The following ROR2 variants were observed in gnomAD, a reference collection of about 807,000 sequenced individuals.
The protein encoded by ROR2 is tyrosine-protein kinase transmembrane receptor ROR2.
A neutral mutation model predicts 74.9 loss-of-function variants in ROR2; 33 were observed. That is an observed-to-expected ratio of 0.44 (90% confidence interval 0.33 to 0.59). The LOEUF (loss-of-function observed/expected upper bound fraction) is 0.59. ROR2 is among the 20% of genes least tolerant of loss of function. The probability of loss-of-function intolerance (pLI) is 0.02; values close to 1 mark genes in which losing one functional copy is unlikely to be tolerated. For synonymous variants in ROR2, 586 were observed against 558.7 expected, an observed-to-expected ratio of 1.05 and a Z score of -0.69; for missense variants, 1,216 against 1,313.8, an observed-to-expected ratio of 0.93 and a Z score of 1.15.
In ROR2 at chr9:91,730,839, G is replaced by A. The variant is rs534604675; in HGVS notation, c.1183+71C>T. On this transcript the variant is annotated intron_variant, in intron 7 of 8. Transcript: ENST00000375708. Reference sequence around the variant, plus strand: ...CAGAGGCACACCCCAACCCAGGTCAGGACAGAACGCCCTCATCACAAGGTT... The same window carrying A: ...CAGAGGCACACCCCAACCCAGGTCAAGACAGAACGCCCTCATCACAAGGTT... 65 of 1,603,834 alleles carry A rather than the reference G, an allele frequency of 4.1e-5. 1 individual carries two copies. In the East Asian group the frequency reaches 1.4e-3, roughly 35 times the overall value.
chr9:91,922,983 C>T (rs1831311865), intron 1 of ROR2, among the ~76,000 whole-genome samples: 1 of 151,974 alleles, frequency 6.6e-6, no homozygotes, highest in South Asian at 2.1e-4. Flanking sequence ...GCATGACCTC[C>T]CCACTCCCCA....
chr9:91,884,741 A>C (rs1587819477), intron 1 of ROR2, among the ~76,000 whole-genome samples: 3 of 151,214 alleles, frequency 2.0e-5, no homozygotes, highest in East Asian at 3.9e-4. Context: ...AGACCATAAC[A>C]TGTCTCCATT....
At chr9:91,782,075 GC>G (rs1826638047) in intron 1 of ROR2, among the ~76,000 whole-genome samples, 1 of 152,214 alleles carries the variant, frequency 6.6e-6, no homozygotes, top group South Asian at 2.1e-4. Context: ...AGCATCCACA[GC>G]CCTGGCAGCG....
Position 91,948,571 on chromosome 9 carries a change from C to G in ROR2, c.97+1296G>C, listed in dbSNP as rs1361939528. 11 of 985,292 alleles carry G rather than the reference C, an allele frequency of 1.1e-5. No individual in the cohort carries two copies. In the East Asian group the frequency reaches 3.4e-4, roughly 30 times the overall value. The allele number at this position is 985,292 out of a possible 1,614,324, so 61.0% of individuals were successfully genotyped here. A position where few individuals can be genotyped will look rare whatever the true frequency, so the allele number is the denominator to read the frequency against. On this transcript the variant is annotated intron_variant, in intron 1 of 8. Coordinates refer to ENST00000375708, the MANE Select transcript of ROR2 (RefSeq NM_004560.4). The stretch of plus-strand genomic sequence containing the variant: ...CATCTGCTTAAACTAAAACCCCCCC[C>G]CAGGAAAGACTGTGCAGCCTTTCTG...
chr9:91,915,123 G>A (rs1389215996), intron 1 of ROR2, among the ~76,000 whole-genome samples: 1 of 152,138 alleles, frequency 6.6e-6, no homozygotes, highest in Non-Finnish European at 1.5e-5. Flanking sequence ...GGTTGCTGAA[G>A]TCTCAACCCA....
chr9:91,764,059 A>G (rs1195748862), intron 2 of ROR2, among the ~76,000 whole-genome samples: 1 of 152,168 alleles, frequency 6.6e-6, no homozygotes, highest in African/African-American at 2.4e-5. Context: ...AAGACTTTGC[A>G]TTTGTCAAAT....
At chr9:91,895,862 A>T (rs1346733855) in intron 1 of ROR2, among the ~76,000 whole-genome samples, 3 of 152,180 alleles carry the variant, frequency 2.0e-5, no homozygotes, top group Non-Finnish European at 1.5e-5. Context: ...AAAAAGAAAT[A>T]CATAAATCTA....
At chr9:91,922,301 T>C (rs1471370279) in intron 1 of ROR2, among the ~76,000 whole-genome samples, 1 of 151,986 alleles carries the variant, frequency 6.6e-6, no homozygotes, top group Non-Finnish European at 1.5e-5. Flanking sequence ...GCTAGGTATG[T>C]ACCCAAAAGA....
intron 1 of ROR2, among the ~76,000 whole-genome samples, chr9:91,945,139 A>G (rs1294575399): frequency 2.0e-5 from 3 of 152,130 alleles, no homozygotes; most frequent in Non-Finnish European, 4.4e-5. Context: ...TGCAACCTCT[A>G]CTAAAATCCC....
intron 1 of ROR2, among the ~76,000 whole-genome samples, chr9:91,779,417 C>CTGGA (rs1466150076): frequency 6.8e-6 from 1 of 146,622 alleles, no homozygotes; most frequent in East Asian, 2.0e-4. Flanking sequence ...GTTGCCCAGG[C>CTGGA]TGGAGTGCAG....
chr9:91,911,099 G>A (rs76784905), intron 1 of ROR2, among the ~76,000 whole-genome samples: 4,863 of 152,324 alleles, frequency 0.032, 119 homozygotes, highest in South Asian at 0.062. Flanking sequence ...GGATCTGGCC[G>A]TTGCCAGGCC....
intron 1 of ROR2, among the ~76,000 whole-genome samples, chr9:91,896,387 A>T (rs994844123): frequency 6.6e-6 from 1 of 152,216 alleles, no homozygotes; most frequent in Non-Finnish European, 1.5e-5. Flanking sequence ...TTTAAAAACA[A>T]CAGAATTAAT....
intron 1 of ROR2, among the ~76,000 whole-genome samples, chr9:91,929,546 G>A (rs1441334563): frequency 6.6e-6 from 1 of 152,196 alleles, no homozygotes; most frequent in Non-Finnish European, 1.5e-5. Context: ...CATGTTTAGA[G>A]ACACAAAAGA....
intron 1 of ROR2, among the ~76,000 whole-genome samples, chr9:91,903,747 C>T (rs545111768): frequency 6.6e-6 from 1 of 152,258 alleles, no homozygotes; most frequent in South Asian, 2.1e-4. Flanking sequence ...CAAAAACAAA[C>T]GCAATTGGCT....
chr9:91,824,867 G>A (rs1377014423), intron 1 of ROR2, among the ~76,000 whole-genome samples: 1 of 152,182 alleles, frequency 6.6e-6, no homozygotes. Context: ...AAGGCCTCTT[G>A]CCAGCTGTAT....
intron 1 of ROR2, among the ~76,000 whole-genome samples, chr9:91,778,414 G>A (rs1826494677): frequency 6.6e-6 from 1 of 152,174 alleles, no homozygotes; most frequent in Non-Finnish European, 1.5e-5. Flanking sequence ...TGCCTGTCCT[G>A]AGTCATTCTT....
At chr9:91,778,401 C>T (rs1432770644) in intron 1 of ROR2, among the ~76,000 whole-genome samples, 2 of 152,220 alleles carry the variant, frequency 1.3e-5, no homozygotes, top group Non-Finnish European at 2.9e-5. Flanking sequence ...AACATCTCCT[C>T]GGTGCCTGTC....
At chr9:91,803,866 T>C (rs1372339411) in intron 1 of ROR2, among the ~76,000 whole-genome samples, 1 of 152,260 alleles carries the variant, frequency 6.6e-6, no homozygotes, top group Non-Finnish European at 1.5e-5. Context: ...CAAGTCCTGC[T>C]TCATGGTAGA....
Position 91,802,037 on chromosome 9 carries a change from A to C in ROR2, c.98-26219T>G, listed in dbSNP as rs114758473. On this transcript the variant is annotated intron_variant, in intron 1 of 8. Coordinates refer to ENST00000375708, the MANE Select transcript of ROR2 (RefSeq NM_004560.4). ...AGCCATTTGCTTGACGAAGCCCATC[A>C]TAAACAAACCTTTTCTTAATTTGGA... is the stretch of plus-strand genomic sequence containing the variant. Among the ~76,000 whole-genome samples, 1,168 of 150,894 alleles carry C rather than the reference A, an allele frequency of 7.7e-3. 16 individuals carry two copies. The highest frequency in any genetic ancestry group is 0.027 in the African/African-American group (1,090 of 41,034).
Sources: allele counts gnomAD v4.1 joint callset (sites outside exome capture counted in the v4.1 genomes callset), GRCh38; gene constraint gnomAD v4.1.1; transcripts MANE v1.5; gene names NCBI Gene and HGNC (gene_info 2026-07-23, HGNC 2026-07-21).